SLC5A10: variants seen among roughly 807,000 people sequenced by gnomAD.
SLC5A10 encodes sodium/mannose cotransporter SLC5A10.
In SLC5A10, 55 loss-of-function variants were observed where a neutral mutation model predicts 68.9. The observed-to-expected ratio is 0.80, with a 90% CI of 0.64 to 1.00. The LOEUF (loss-of-function observed/expected upper bound fraction) is 1.00, where lower values mean the gene tolerates loss of function less well. Among genes scored for constraint, SLC5A10 ranks in the 50% least tolerant of loss-of-function variants. The pLI, the probability that SLC5A10 is intolerant of heterozygous loss-of-function variation, is 0.00. For synonymous variants in SLC5A10, 344 were observed against 344.8 expected (o/e 1.00, Z 0.02); for missense variants, 732 against 819.3 (o/e 0.89, Z 1.30).
chr17:18,977,170 C>T, intron 9 of SLC5A10, 181 bp downstream of exon 9: 1 of 822,790 alleles, frequency 1.2e-6, no homozygotes, highest in Non-Finnish European at 1.9e-6. Context: ...TGTGGCTTGG[C>T]ACAAGGTCTG....
rs527919124 is a variant in SLC5A10 at position 19,021,163 on chromosome 17, G to A, written c.*732G>A. 1.3e-5 allele frequency: 2 copies of A among 152,418 alleles called. No individual in the cohort carries two copies. Among genetic ancestry groups the A allele is most frequent in the South Asian group, 4.1e-4 (2 of 4,828 alleles). 9.4% of individuals were successfully genotyped at this position (152,418 alleles called of 1,614,324 possible). On this transcript the variant is annotated 3_prime_UTR_variant, in exon 15 of 15. Transcript: ENST00000395645. The surrounding 1 kb of genome is among the most constrained non-coding windows in gnomAD (Gnocchi z 4.1). The stretch of plus-strand genomic sequence containing the variant: ...CCCCAACTTTCTGTCTGCCCTGGAG[G>A]TTTCTCAGCCTCCTGAGAGCTCTGC...
At chr17:19,005,030 C>A (rs58094480) in intron 9 of SLC5A10, among the ~76,000 whole-genome samples, 2 of 152,212 alleles carry the variant, frequency 1.3e-5, no homozygotes, top group Non-Finnish European at 2.9e-5. Context: ...AGCCTTGGCA[C>A]CCCCCTGTGC....
chr17:19,015,484 T>C (rs532149206), intron 11 of SLC5A10, among the ~76,000 whole-genome samples: 47 of 152,084 alleles, frequency 3.1e-4, no homozygotes, highest in African/African-American at 1.1e-3. Flanking sequence ...TCTCTCTATC[T>C]CCCCGAAAAC....
At chr17:18,994,125 C>T (rs1483573770) in intron 9 of SLC5A10, among the ~76,000 whole-genome samples, 4 of 152,220 alleles carry the variant, frequency 2.6e-5, no homozygotes, top group Non-Finnish European at 5.9e-5. Context: ...GAGGCAGTGG[C>T]CATCATGACC....
intron 11 of SLC5A10, chr17:19,019,127 A>C: frequency 7.7e-6 from 3 of 391,690 alleles, no homozygotes; most frequent in Non-Finnish European, 9.1e-6. Context: ...GAGAGACAAG[A>C]GGGAGCTCCA....
At position 18,976,860 on chromosome 17, in the gene SLC5A10, G is replaced by C; in HGVS notation, c.853G>C (p.Val285Leu). 1 of 1,613,308 alleles carries C rather than the reference G, an allele frequency of 6.2e-7. No homozygotes were observed. ...TCTCGCACTCCACCCCCAGGTCATCGTGCAGCGATCACTGTCAGCCCGGGA... is the reference window on the plus strand; with the variant it reads ...TCTCGCACTCCACCCCCAGGTCATCCTGCAGCGATCACTGTCAGCCCGGGA... ...TWYWCTDQVIVQRSLSARDLN... is the reference protein window; with the variant it reads ...TWYWCTDQVILQRSLSARDLN... Residue 285 changes from valine to leucine, a missense_variant, in exon 9 of 15, where the codon GTG becomes CTG. By Grantham distance (32) the Val-to-Leu change is conservative. Coordinates refer to ENST00000395645, the MANE Select transcript of SLC5A10 (RefSeq NM_001042450.4).
rs2043839197 is a variant in SLC5A10, at chr17:19,004,858, T to A, written c.983-8552T>A. The A allele has an allele frequency of 6.6e-6, 1 of 151,762 alleles. No individual in the cohort carries two copies. Among genetic ancestry groups the A allele is most frequent in the Admixed American group, 6.6e-5 (1 of 15,250 alleles). 9.4% of individuals were successfully genotyped at this position (151,762 alleles called of 1,614,324 possible). A position where few individuals can be genotyped will look rare whatever the true frequency, so the allele number is the denominator to read the frequency against. On this transcript the variant is annotated intron_variant, in intron 9 of 14. Transcript: ENST00000395645. This position sits in a 1 kb window ranked among gnomAD's most constrained non-coding sequence, Gnocchi z 5.4. ...TGCCGCCCGGGGCGGGGCCGGAAGC[T>A]GATTCACCCCTCGACAGACAGACAG...
rs185868539 is a variant in SLC5A10, at chr17:19,005,655, C to G, written c.983-7755C>G. ...AGGCCTTGTGCCCTCAAACCCCCCC[C>G]CTCCAAGGCCTTCTCCACCATTCAT... is the stretch of plus-strand genomic sequence containing the variant. On this transcript the variant is annotated intron_variant, in intron 9 of 14. Transcript: ENST00000395645. 1.7e-3 allele frequency among the ~76,000 whole-genome samples: 263 copies of G among 152,082 alleles called. 2 individuals are homozygous for G. The highest frequency in any genetic ancestry group is 5.9e-3 in the African/African-American group (245 of 41,472).
At chr17:18,975,185 G>A (rs1752105908) in intron 8 of SLC5A10, among the ~76,000 whole-genome samples, 1 of 152,154 alleles carries the variant, frequency 6.6e-6, no homozygotes, top group African/African-American at 2.4e-5. Context: ...TGTCCAGATG[G>A]GGCAACTGAG....
chr17:19,011,765 A>G (rs1242398026), intron 9 of SLC5A10, among the ~76,000 whole-genome samples: 1 of 151,198 alleles, frequency 6.6e-6, no homozygotes, highest in African/African-American at 2.4e-5. Context: ...AGACTGGGAC[A>G]TGTTCAAGGG....
intron 8 of SLC5A10, among the ~76,000 whole-genome samples, chr17:18,973,329 C>T (rs891970930): frequency 6.6e-6 from 1 of 152,218 alleles, no homozygotes; most frequent in Non-Finnish European, 1.5e-5. Flanking sequence ...GTTGGGCAGG[C>T]CCCACTGCAC....
rs1460137693 is a variant in SLC5A10, at chr17:18,971,357, T to C, written c.846+139T>C. On this transcript the variant is annotated intron_variant, in intron 8 of 14. Transcript: ENST00000395645. The surrounding 1 kb of genome is among the most constrained non-coding windows in gnomAD (Gnocchi z 5.5). ...GGTGTGGCTCCAGGCTGGGACATGC[T>C]GCTAGGGGTCTTTGCGGTCCCGGGG... The C allele has an allele frequency of 6.3e-7, 1 of 1,576,740 alleles. No individual in the cohort carries two copies. Among genetic ancestry groups the C allele is most frequent in the African/African-American group, 1.6e-5 (1 of 62,796 alleles).
chr17:18,971,338 G>C lies in SLC5A10; in HGVS notation c.846+120G>C. On this transcript the variant is annotated intron_variant, in intron 8 of 14. Coordinates refer to ENST00000395645, the MANE Select transcript of SLC5A10 (RefSeq NM_001042450.4). This position sits in a 1 kb window ranked among gnomAD's most constrained non-coding sequence, Gnocchi z 5.5. ...CTGGGCTGGGGCCTCAGAAGGTGTG[G>C]CTCCAGGCTGGGACATGCTGCTAGG... The C allele has an allele frequency of 1.9e-6, 3 of 1,605,430 alleles. No individual in the cohort carries two copies. The highest frequency in any genetic ancestry group is 2.6e-6 in the Non-Finnish European group (3 of 1,175,462).
intron 9 of SLC5A10, among the ~76,000 whole-genome samples, chr17:19,009,514 C>T (rs1567811038): frequency 2.6e-5 from 4 of 152,324 alleles, no homozygotes; most frequent in Admixed American, 2.0e-4. Flanking sequence ...AGCCACTCTG[C>T]CTGACTGAGA....
intron 9 of SLC5A10, among the ~76,000 whole-genome samples, chr17:19,008,935 C>G (rs987533668): frequency 2.0e-5 from 3 of 151,892 alleles, no homozygotes; most frequent in African/African-American, 7.3e-5. Flanking sequence ...CCGTAGCCTC[C>G]CAAGTAGCTG....
At chr17:18,962,659 G>A (rs546711589) in intron 5 of SLC5A10, among the ~76,000 whole-genome samples, 140 of 152,214 alleles carry the variant, frequency 9.2e-4, no homozygotes, top group African/African-American at 3.1e-3. Context: ...TTTAGGAGCC[G>A]GGGTGGTGTT....
intron 9 of SLC5A10, among the ~76,000 whole-genome samples, chr17:18,994,011 G>A (rs984636424): frequency 2.0e-5 from 3 of 152,122 alleles, no homozygotes; most frequent in African/African-American, 7.2e-5. Flanking sequence ...CTCCCTCTGG[G>A]GTGAACAGGC....
chr17:18,978,498 C>T (rs373050685), intron 9 of SLC5A10: 14 of 1,612,790 alleles, frequency 8.7e-6, no homozygotes, highest in African/African-American at 8.0e-5. Context: ...GGCAGCAGCT[C>T]GGGGAGTTCC....
At position 18,958,729 on chromosome 17, in the gene SLC5A10, A is replaced by C; in HGVS notation, c.159A>C (p.Ala53=). 1 of 1,614,184 alleles carries C rather than the reference A, an allele frequency of 6.2e-7. No individual in the cohort carries two copies. The highest frequency in any genetic ancestry group is 1.7e-5 in the Admixed American group (1 of 60,024). ...ACACGGTGAATGGCTACTTCCTGGCAGGCCGGGACATGACGTGGTGGCCGG... is the reference window on the plus strand; with the variant it reads ...ACACGGTGAATGGCTACTTCCTGGCCGGCCGGGACATGACGTGGTGGCCGG... ...SRNTVNGYFL[A]GRDMTWWPIG... is the part of the protein sequence containing the mutation. The change falls in exon 2 of 15, where the codon GCA becomes GCC. Residue 53 remains alanine (A), a synonymous_variant. Coordinates refer to ENST00000395645, the MANE Select transcript of SLC5A10 (RefSeq NM_001042450.4).
Sources: gnomAD v4.1 joint callset for allele counts (sites outside exome capture counted in the v4.1 genomes callset) on GRCh38, gnomAD v4.1.1 for gene constraint, Gnocchi (gnomAD v3.1) non-coding constraint, MANE v1.5 for transcripts, NCBI Gene and HGNC (gene_info 2026-07-23, HGNC 2026-07-21) for gene names.